PDE11A: variants seen among roughly 807,000 people sequenced by gnomAD.
PDE11A encodes phosphodiesterase 11A.
A neutral mutation model predicts 100.5 loss-of-function variants in PDE11A; 100 were observed. The observed-to-expected ratio is 1.00, with a 90% CI of 0.85 to 1.18. The LOEUF is 1.18. Ranked by LOEUF, PDE11A falls within the 50% of genes most tolerant of loss-of-function variation. The probability of loss-of-function intolerance (pLI) is 0.00; values close to 1 mark genes in which losing one functional copy is unlikely to be tolerated. For missense variants in PDE11A, 1,141 were observed against 1,152.6 expected, an observed-to-expected ratio of 0.99 and a Z score of 0.15; for synonymous variants, 381 against 420.8, an observed-to-expected ratio of 0.91 and a Z score of 1.16.
intron 1 of PDE11A, among the ~76,000 whole-genome samples, chr2:178,040,968 C>G (rs1029827649): frequency 3.3e-5 from 5 of 152,098 alleles, no homozygotes; most frequent in African/African-American, 4.8e-5. Context: ...GAGACAGGGT[C>G]TCACTCTGTT....
chr2:177,872,558 A>G (rs2084154577), intron 5 of PDE11A, among the ~76,000 whole-genome samples: 1 of 152,234 alleles, frequency 6.6e-6, no homozygotes, highest in African/African-American at 2.4e-5. Context: ...TATAAAAATC[A>G]GCAAGCCTCA....
At chr2:177,730,250 C>T (rs966924928) in intron 10 of PDE11A, among the ~76,000 whole-genome samples, 9 of 152,096 alleles carry the variant, frequency 5.9e-5, no homozygotes, top group African/African-American at 9.7e-5. Context: ...CGACAGATCC[C>T]GGTGTGTGAT....
rs574530998 is a variant in PDE11A at position 177,780,685 on chromosome 2, C to T, written c.1738-11312G>A. 1.3e-4 allele frequency among the ~76,000 whole-genome samples: 20 copies of T among 152,352 alleles called. No individual in the cohort carries two copies. In the South Asian group the frequency reaches 4.1e-3, roughly 32 times the overall value. On this transcript the variant is annotated intron_variant, in intron 9 of 19. Transcript: ENST00000286063. ...TACATCAGCACTTGCTGCTTCATCT[C>T]ACACTTTTATGTTTTGGAGATGGCT...
chr2:178,051,593 T>C (rs1380171914), intron 1 of PDE11A, among the ~76,000 whole-genome samples: 2 of 152,138 alleles, frequency 1.3e-5, no homozygotes, highest in Admixed American at 6.5e-5. Flanking sequence ...CCCATCAGTG[T>C]GCTATATTCA....
intron 2 of PDE11A, among the ~76,000 whole-genome samples, chr2:177,993,766 AAT>A (rs1282472472): frequency 1.3e-5 from 2 of 152,132 alleles, no homozygotes; most frequent in Non-Finnish European, 2.9e-5. Flanking sequence ...AGGAAAGAAC[AAT>A]GAGTTTCCAG....
At chr2:177,684,424 A>C (rs1238598194) in intron 15 of PDE11A, among the ~76,000 whole-genome samples, 1 of 152,224 alleles carries the variant, frequency 6.6e-6, no homozygotes, top group African/African-American at 2.4e-5. Flanking sequence ...AATAAATGTA[A>C]AACATCCATA....
In PDE11A at chr2:177,663,962, G is replaced by A. The variant is rs1190076460; in HGVS notation, c.2563-13C>T. ...GATCAAAAATTGCCTAGAATGGGGG[G>A]CAGGAAGAACCTCGCTTTATTACAC... On this transcript the variant is annotated splice_polypyrimidine_tract_variant and intron_variant, in intron 18 of 19. Coordinates refer to ENST00000286063, the MANE Select transcript of PDE11A (RefSeq NM_016953.4). 2.5e-6 allele frequency: 4 copies of A among 1,581,144 alleles called. No homozygotes were observed. Among genetic ancestry groups the A allele is most frequent in the Non-Finnish European group, 3.5e-6 (4 of 1,150,240 alleles).
intron 14 of PDE11A, chr2:177,698,669 T>C (rs998102906): frequency 5.9e-5 from 9 of 152,186 alleles, no homozygotes; most frequent in Non-Finnish European, 7.3e-5. Flanking sequence ...ATTTATTTCA[T>C]TGGGTGAACC....
chr2:177,691,686 G>A (rs761444890), intron 15 of PDE11A, among the ~76,000 whole-genome samples: 1 of 152,024 alleles, frequency 6.6e-6, no homozygotes. Context: ...GGGTTAATGA[G>A]AAAAGAAAAA....
At chr2:178,023,262 C>T (rs1433986084) in intron 1 of PDE11A, among the ~76,000 whole-genome samples, 1 of 152,190 alleles carries the variant, frequency 6.6e-6, no homozygotes, top group Non-Finnish European at 1.5e-5. Flanking sequence ...ACTCAGCTTT[C>T]ATGTCTTTGA....
chr2:177,980,973 G>A (rs914301743), intron 2 of PDE11A, among the ~76,000 whole-genome samples: 10 of 73,686 alleles, frequency 1.4e-4, no homozygotes, highest in Non-Finnish European at 2.5e-4. Flanking sequence ...GTGAGAACTA[G>A]ATACACACAC....
intron 4 of PDE11A, among the ~76,000 whole-genome samples, chr2:177,897,788 C>A (rs536254917): frequency 8.5e-5 from 13 of 152,258 alleles, no homozygotes; most frequent in African/African-American, 3.1e-4. Context: ...AATCACTGAA[C>A]CCCTTAGTTC....
At chr2:177,887,059 T>G (rs2084446060) in intron 4 of PDE11A, among the ~76,000 whole-genome samples, 1 of 152,114 alleles carries the variant, frequency 6.6e-6, no homozygotes, top group South Asian at 2.1e-4. Flanking sequence ...TCTAGCTTGG[T>G]GTAATATTAC....
At chr2:178,093,260 G>A (rs894199283) in intron 2 of PDE11A, among the ~76,000 whole-genome samples, 1 of 152,134 alleles carries the variant, frequency 6.6e-6, no homozygotes, top group Non-Finnish European at 1.5e-5. Flanking sequence ...CATCCTCCAA[G>A]AATCAGAGTG....
chr2:177,654,944 A>G (rs80084493), intron 19 of PDE11A, among the ~76,000 whole-genome samples: 1 of 150,152 alleles, frequency 6.7e-6, no homozygotes, highest in Non-Finnish European at 1.5e-5. Context: ...CTCTAAAAAA[A>G]CTATAAAGTT....
chr2:178,004,477 G>C (rs1008622932), intron 2 of PDE11A, among the ~76,000 whole-genome samples: 2 of 152,130 alleles, frequency 1.3e-5, no homozygotes, highest in African/African-American at 4.8e-5. Context: ...ATTCAAAGAA[G>C]ACCGTTATCC....
At chr2:177,990,089 C>A (rs1054335611) in intron 2 of PDE11A, among the ~76,000 whole-genome samples, 1 of 152,130 alleles carries the variant, frequency 6.6e-6, no homozygotes, top group Non-Finnish European at 1.5e-5. Flanking sequence ...ATATGCAGAA[C>A]CAACATACTT....
chr2:177,688,918 A>C (rs780556952), intron 15 of PDE11A, among the ~76,000 whole-genome samples: 5 of 152,236 alleles, frequency 3.3e-5, no homozygotes, highest in Non-Finnish European at 5.9e-5. Context: ...GAACATTTTA[A>C]TCATGAAATT....
chr2:178,081,657 G>A lies in PDE11A; in HGVS notation c.162+22645C>T, dbSNP rs186561296. Among the ~76,000 whole-genome samples the A allele has an allele frequency of 3.9e-4, 59 of 152,308 alleles. 1 individual carries two copies. In the East Asian group the frequency reaches 7.3e-3, roughly 19 times the overall value. On this transcript the variant is annotated intron_variant, in intron 2 of 20. Coordinates refer to the PDE11A transcript ENST00000358450. ...CCTCCAAGGATATTCTGACACTGAC[G>A]TTGGAGGGAGTTTTAAGCACTTTTT...
Sources: gnomAD v4.1 joint callset for allele counts (sites outside exome capture counted in the v4.1 genomes callset) on GRCh38, gnomAD v4.1.1 for gene constraint, MANE v1.5 for transcripts, NCBI Gene and HGNC (gene_info 2026-07-23, HGNC 2026-07-21) for gene names.